Variants in ROBO1 observed in about 807,000 individuals in gnomAD.
ROBO1 encodes roundabout guidance receptor 1, also known as roundabout homolog 1.
Under a neutral mutation model 195.9 loss-of-function variants are expected in ROBO1, and 149 were observed. That is an observed-to-expected ratio of 0.76 (90% CI 0.67 to 0.87). The LOEUF is 0.87. Among genes scored for constraint, ROBO1 ranks in the 40% least tolerant of loss-of-function variants. ROBO1 has a pLI of 0.00. For missense variants in ROBO1, 1,933 were observed against 2,068.3 expected (o/e 0.93, Z 1.27); for synonymous variants, 816 against 733.2 (o/e 1.11, Z -1.82).
At chr3:79,035,636 G>C (rs1486826255) in intron 3 of ROBO1, among the ~76,000 whole-genome samples, 1 of 151,678 alleles carries the variant, frequency 6.6e-6, no homozygotes, top group African/African-American at 2.4e-5. Flanking sequence ...AAGGTGGGAG[G>C]ATCACTTGAA....
chr3:78,852,900 T>TA (rs1432516228), intron 4 of ROBO1, among the ~76,000 whole-genome samples: 1 of 152,106 alleles, frequency 6.6e-6, no homozygotes, highest in African/African-American at 2.4e-5. Context: ...GGCCAACAGA[T>TA]ACTATTCACG....
chr3:78,620,908 T>G (rs1704418037), intron 26 of ROBO1, among the ~76,000 whole-genome samples: 1 of 151,570 alleles, frequency 6.6e-6, no homozygotes, highest in African/African-American at 2.4e-5. Flanking sequence ...TGTGTGTGTA[T>G]ACATATAAGC....
chr3:78,599,118 G>A lies in ROBO1; in HGVS notation c.4942-191C>T, dbSNP rs544477582. 3.3e-5 allele frequency among the ~76,000 whole-genome samples: 5 copies of A among 152,188 alleles called. No homozygotes were observed. In the South Asian group the frequency reaches 8.3e-4, roughly 25 times the overall value. On this transcript the variant is annotated intron_variant, in intron 30 of 30. Coordinates refer to ENST00000464233, the MANE Select transcript of ROBO1 (RefSeq NM_002941.4). ...TTGGTCTTCACAGCAAATTCAACAA[G>A]TACCAAACTGGGTTCTGCACAGTGC...
intron 5 of ROBO1, among the ~76,000 whole-genome samples, chr3:78,736,084 T>A (rs562383232): frequency 1.3e-5 from 2 of 152,274 alleles, no homozygotes; most frequent in South Asian, 2.1e-4. Flanking sequence ...AAAAAAATCA[T>A]GTTTTAGAAA....
chr3:79,474,456 A>G (rs901251032), intron 2 of ROBO1, among the ~76,000 whole-genome samples: 1 of 152,122 alleles, frequency 6.6e-6, no homozygotes, highest in African/African-American at 2.4e-5. Context: ...AGTTGAGGTA[A>G]TAATAGCATC....
At chr3:79,364,786 C>T (rs1208595293) in intron 2 of ROBO1, among the ~76,000 whole-genome samples, 3 of 152,044 alleles carry the variant, frequency 2.0e-5, no homozygotes, top group South Asian at 4.1e-4. Context: ...TTCATACGTC[C>T]GATACCTTAA....
At chr3:79,364,214 G>A (rs947240339) in intron 2 of ROBO1, among the ~76,000 whole-genome samples, 12 of 144,846 alleles carry the variant, frequency 8.3e-5, no homozygotes, top group African/African-American at 2.6e-4. Context: ...AAAACAAAAC[G>A]AAACTATATA....
At chr3:78,838,851 C>T (rs554651823) in intron 4 of ROBO1, among the ~76,000 whole-genome samples, 3 of 152,272 alleles carry the variant, frequency 2.0e-5, no homozygotes, top group Admixed American at 2.0e-4. Context: ...AGGGGACTCT[C>T]AACCTTATTC....
At chr3:79,464,003 A>G (rs1937806760) in intron 2 of ROBO1, among the ~76,000 whole-genome samples, 1 of 152,130 alleles carries the variant, frequency 6.6e-6, no homozygotes, top group African/African-American at 2.4e-5. Context: ...GCCTTTTCCG[A>G]ACATTTCGTA....
intron 2 of ROBO1, among the ~76,000 whole-genome samples, chr3:79,256,563 T>C (rs58857492): frequency 0.033 from 4,963 of 152,118 alleles, 241 homozygotes; most frequent in African/African-American, 0.11. Context: ...AGACAAAGAG[T>C]AAAAACTAAG....
At chr3:79,379,844 A>T (rs1343145709) in intron 2 of ROBO1, among the ~76,000 whole-genome samples, 1 of 152,220 alleles carries the variant, frequency 6.6e-6, no homozygotes, top group African/African-American at 2.4e-5. Flanking sequence ...CCCATTGCAG[A>T]CACACTGAGA....
chr3:79,320,407 C>A (rs2033928564), intron 2 of ROBO1, among the ~76,000 whole-genome samples: 1 of 152,202 alleles, frequency 6.6e-6, no homozygotes, highest in South Asian at 2.1e-4. Flanking sequence ...CAGCTCGCTG[C>A]AGCCTTGACC....
intron 3 of ROBO1, among the ~76,000 whole-genome samples, chr3:79,055,460 C>A (rs943283761): frequency 6.6e-6 from 1 of 152,022 alleles, no homozygotes; most frequent in Non-Finnish European, 1.5e-5. Flanking sequence ...CTTAAACATC[C>A]TGCTAACATG....
At chr3:79,022,344 A>G (rs1369803099) in intron 3 of ROBO1, among the ~76,000 whole-genome samples, 1 of 152,158 alleles carries the variant, frequency 6.6e-6, no homozygotes, top group African/African-American at 2.4e-5. Flanking sequence ...AACTCCTACT[A>G]TGGGAAGGTG....
chr3:78,841,609 A>C (rs2033207121), intron 4 of ROBO1, among the ~76,000 whole-genome samples: 1 of 151,860 alleles, frequency 6.6e-6, no homozygotes, highest in Admixed American at 6.6e-5. Context: ...TTCTAACAAA[A>C]GCTAGATCCA....
chr3:79,471,562 A>G (rs1342445211), intron 2 of ROBO1, among the ~76,000 whole-genome samples: 1 of 152,136 alleles, frequency 6.6e-6, no homozygotes, highest in Non-Finnish European at 1.5e-5. Context: ...AACAAACTGG[A>G]GGTTTGTTAT....
chr3:79,440,232 T>C (rs1376871780), intron 2 of ROBO1, among the ~76,000 whole-genome samples: 1 of 152,126 alleles, frequency 6.6e-6, no homozygotes, highest in Non-Finnish European at 1.5e-5. Flanking sequence ...TAGTTTATTA[T>C]ATGTCATGAA....
rs76752631 is a variant in ROBO1 at position 79,554,765 on chromosome 3, A to G, written c.88+35059T>C. 4.5e-3 allele frequency among the ~76,000 whole-genome samples: 688 copies of G among 152,184 alleles called. 4 individuals carry two copies. Among genetic ancestry groups the G allele is most frequent in the African/African-American group, 0.016 (663 of 41,564 alleles). ...AGAGCATTTTAGTTGGAATCAGAAG[A>G]AGTATGTGTTAATCATCTTGGAGAT... On this transcript the variant is annotated intron_variant, in intron 2 of 30. Coordinates refer to ENST00000464233, the MANE Select transcript of ROBO1 (RefSeq NM_002941.4).
intron 5 of ROBO1, among the ~76,000 whole-genome samples, chr3:78,721,447 C>T (rs1484289177): frequency 6.6e-6 from 1 of 152,148 alleles, no homozygotes; most frequent in Admixed American, 6.6e-5. Context: ...CTTTGGATAG[C>T]ACGCCGAGCC....
Sources: allele counts gnomAD v4.1 joint callset (sites outside exome capture counted in the v4.1 genomes callset), GRCh38; gene constraint gnomAD v4.1.1; transcripts MANE v1.5; gene names NCBI Gene and HGNC (gene_info 2026-07-23, HGNC 2026-07-21).